TM4SF1: variants seen among roughly 807,000 people sequenced by gnomAD.
TM4SF1 encodes transmembrane 4 L6 family member 1.
TM4SF1 carries 20 observed loss-of-function variants against 24.5 expected under a neutral mutation model. That is an observed-to-expected ratio of 0.82 (90% CI 0.57 to 1.19). The LOEUF is 1.19. TM4SF1 is among the 50% of genes most tolerant of loss of function. TM4SF1 has a pLI of 0.00. For missense variants in TM4SF1, 258 were observed against 248.1 expected (o/e 1.04, Z -0.27); for synonymous variants, 107 against 95.4 (o/e 1.12, Z -0.71).
At chr3:149,375,813 C>T in intron 1 of TM4SF1, 44 bp from the exon 2 acceptor site, 2 of 1,581,532 alleles carry the variant, frequency 1.3e-6, no homozygotes, top group Non-Finnish European at 1.7e-6. Context: ...CTTGCTCAGG[C>T]TCATATGGGT....
chr3:149,372,185 A>T (rs1731840482), intron 3 of TM4SF1, among the ~76,000 whole-genome samples: 1 of 152,222 alleles, frequency 6.6e-6, no homozygotes, highest in South Asian at 2.1e-4. Context: ...AAAATGCAGA[A>T]CTGTATTTGT....
chr3:149,375,564 G>A lies in TM4SF1; in HGVS notation c.292C>T (p.Leu98Phe), dbSNP rs773561150. 4.6e-5 allele frequency: 75 copies of A among 1,614,082 alleles called. No individual in the cohort carries two copies. The highest frequency in any genetic ancestry group is 1.6e-4 in the Middle Eastern group (1 of 6,084). ...TAGCCAGATCCTGCAATTCCAATGA[G>A]AGCAGCCAATACAGAAGAAAGCATC... The part of the protein sequence containing the change: ...CAMLSSVLAA[L>F]IGIAGSGYCV... The change falls in exon 3 of 5, where the codon CTC (leucine) becomes TTC (phenylalanine). Residue 98 changes from leucine (L) to phenylalanine (F), a missense_variant. Leu to Phe is a conservative substitution (Grantham distance 22, BLOSUM62 0). Coordinates refer to ENST00000305366, the MANE Select transcript of TM4SF1 (RefSeq NM_014220.3).
At chr3:149,374,632 G>A (rs759673399) in intron 3 of TM4SF1, among the ~76,000 whole-genome samples, 13 of 152,284 alleles carry the variant, frequency 8.5e-5, no homozygotes, top group South Asian at 2.1e-4. Flanking sequence ...TATTATGATT[G>A]TGAATAGGCC....
intron 3 of TM4SF1, among the ~76,000 whole-genome samples, chr3:149,372,401 T>A (rs1268451408): frequency 1.3e-5 from 2 of 152,176 alleles, no homozygotes; most frequent in Non-Finnish European, 2.9e-5. Flanking sequence ...ACAATCTCTT[T>A]AGGCTAGTTT....
rs1204204789 is a variant in TM4SF1, at chr3:149,369,023, G to A, written c.*843C>T. 1 of 151,944 alleles carries A rather than the reference G, an allele frequency of 6.6e-6. No individual in the cohort carries two copies. The highest frequency in any genetic ancestry group is 1.5e-5 in the Non-Finnish European group (1 of 67,990). The allele number at this position is 151,944 out of a possible 1,614,324, so 9.4% of individuals were successfully genotyped here. Reference sequence around the variant, plus strand: ...TAATGAAACTAAACAACAACAACATGGTAGTGAATACTTTATTTTGTTGTA... The same window carrying A: ...TAATGAAACTAAACAACAACAACATAGTAGTGAATACTTTATTTTGTTGTA... On this transcript the variant is annotated 3_prime_UTR_variant, in exon 5 of 5. Coordinates refer to ENST00000305366, the MANE Select transcript of TM4SF1 (RefSeq NM_014220.3).
At position 149,370,146 on chromosome 3, in the gene TM4SF1, T is replaced by C. The variant is rs535191206; in HGVS notation, c.595-266A>G. On this transcript the variant is annotated intron_variant, in intron 4 of 4. Transcript: ENST00000305366. Reference sequence around the variant, plus strand: ...TATTGGGTTGCTTTGAGTGCATTTGTGTGGGGTTTTAATCTTAGGGATTTA... The same window carrying C: ...TATTGGGTTGCTTTGAGTGCATTTGCGTGGGGTTTTAATCTTAGGGATTTA... 35 of 348,704 alleles carry C rather than the reference T, an allele frequency of 1.0e-4. 1 individual carries two copies. The highest frequency in any genetic ancestry group is 8.0e-4 in the Middle Eastern group (1 of 1,254). 21.6% of individuals were successfully genotyped at this position (348,704 alleles called of 1,614,324 possible). A position where few individuals can be genotyped will look rare whatever the true frequency, so the allele number is the denominator to read the frequency against.
At position 149,369,233 on chromosome 3, in the gene TM4SF1, T is replaced by C. The variant is rs2108375619; in HGVS notation, c.*633A>G. 1 of 152,410 alleles carries C rather than the reference T, an allele frequency of 6.6e-6. No individual in the cohort carries two copies. The highest frequency in any genetic ancestry group is 2.1e-4 in the South Asian group (1 of 4,832). The allele number at this position is 152,410 out of a possible 1,614,324, so 9.4% of individuals were successfully genotyped here. Reference sequence around the variant, plus strand: ...TCTTTGGAGGACAAAAGGCTTTCCATATGTTAGAAAAATTTGAATCTCATA... The same window carrying C: ...TCTTTGGAGGACAAAAGGCTTTCCACATGTTAGAAAAATTTGAATCTCATA... On this transcript the variant is annotated 3_prime_UTR_variant, in exon 5 of 5. Coordinates refer to ENST00000305366, the MANE Select transcript of TM4SF1 (RefSeq NM_014220.3).
chr3:149,371,962 G>A, intron 3 of TM4SF1, 95 bp from the exon 4 acceptor site: 3 of 1,205,612 alleles, frequency 2.5e-6, no homozygotes, highest in African/African-American at 3.1e-5. Flanking sequence ...TCAGAAAAAA[G>A]GAATGAATTA....
At chr3:149,374,925 A>G (rs1045745633) in intron 3 of TM4SF1, among the ~76,000 whole-genome samples, 1 of 152,238 alleles carries the variant, frequency 6.6e-6, no homozygotes, top group Non-Finnish European at 1.5e-5. Context: ...CACAAACTCT[A>G]CATCTAGACT....
At position 149,375,436 on chromosome 3, in the gene TM4SF1, TA is replaced by T; in HGVS notation, c.413+6del. On this transcript the variant is annotated splice_donor_region_variant and intron_variant, in intron 3 of 4. Transcript: ENST00000305366. ...AATGTGTAGCCATGTAGAGAGTAAT[TA>T]CATACTGGCCCTCAGTGCTGGCAAA... 1.2e-6 allele frequency: 2 copies of T among 1,614,044 alleles called. No individual in the cohort carries two copies. The highest frequency in any genetic ancestry group is 1.7e-6 in the Non-Finnish European group (2 of 1,179,980).
chr3:149,376,471 C>T (rs1029131351), intron 1 of TM4SF1, among the ~76,000 whole-genome samples: 4 of 152,026 alleles, frequency 2.6e-5, no homozygotes, highest in African/African-American at 9.7e-5. Context: ...GAGTTCAAGA[C>T]CAGCCTGGGC....
At chr3:149,377,201 G>A (rs985102947) in intron 1 of TM4SF1, among the ~76,000 whole-genome samples, 170 bp downstream of exon 1, 1 of 152,128 alleles carries the variant, frequency 6.6e-6, no homozygotes, top group African/African-American at 2.4e-5. Flanking sequence ...AAATTACTAC[G>A]CTATACTGTA....
intron 1 of TM4SF1, 70 bp from the exon 2 acceptor site, chr3:149,375,839 T>G: frequency 2.3e-5 from 32 of 1,375,930 alleles, no homozygotes; most frequent in Middle Eastern, 2.0e-4. Flanking sequence ...TAGGCATCTC[T>G]TGGTAAAATA....
chr3:149,376,096 C>T (rs1342991516), intron 1 of TM4SF1, among the ~76,000 whole-genome samples: 2 of 152,142 alleles, frequency 1.3e-5, no homozygotes, highest in Non-Finnish European at 2.9e-5. Context: ...AAATATTAAA[C>T]CCTTTCTTTA....
rs1475379398 is a variant in TM4SF1 at position 149,374,030 on chromosome 3, G to A, written c.413+1413C>T. 2.0e-5 allele frequency among the ~76,000 whole-genome samples: 3 copies of A among 152,124 alleles called. No individual in the cohort carries two copies. In the East Asian group the frequency reaches 5.8e-4, roughly 29 times the overall value. The stretch of plus-strand genomic sequence containing the variant: ...TTGAACACCAAAATTTCAAACTTCT[G>A]TAAGTATCAATTTTCCTTCAAAGGC... On this transcript the variant is annotated intron_variant, in intron 3 of 4. Transcript: ENST00000305366.
chr3:149,370,230 A>G, intron 4 of TM4SF1: 1 of 197,452 alleles, frequency 5.1e-6, no homozygotes, highest in Non-Finnish European at 1.0e-5. Flanking sequence ...AACCTTTCAA[A>G]TTAAATGCTA....
intron 3 of TM4SF1, among the ~76,000 whole-genome samples, chr3:149,373,879 G>A (rs1318963306): frequency 6.6e-6 from 1 of 152,160 alleles, no homozygotes; most frequent in Non-Finnish European, 1.5e-5. Flanking sequence ...GGTTGCATAA[G>A]TCATGACTTT....
At chr3:149,374,690 T>A (rs1444806200) in intron 3 of TM4SF1, among the ~76,000 whole-genome samples, 1 of 152,222 alleles carries the variant, frequency 6.6e-6, no homozygotes, top group East Asian at 1.9e-4. Context: ...GTACATAGTT[T>A]GTATGTTTTA....
rs1217723823 is a variant in TM4SF1 at position 149,369,062 on chromosome 3, T to C, written c.*804A>G. On this transcript the variant is annotated 3_prime_UTR_variant, in exon 5 of 5. Transcript: ENST00000305366. ...TATTTTGTTGTAAACAAGTTAGTTTTGAGGGTATTTCCTCGTGGTCCTCCT... is the reference window on the plus strand; with the variant it reads ...TATTTTGTTGTAAACAAGTTAGTTTCGAGGGTATTTCCTCGTGGTCCTCCT... The C allele has an allele frequency of 1.3e-5, 2 of 152,186 alleles. No homozygotes were observed. The highest frequency in any genetic ancestry group is 4.8e-5 in the African/African-American group (2 of 41,454). The allele number at this position is 152,186 out of a possible 1,614,324, so 9.4% of individuals were successfully genotyped here.
Sources: allele counts gnomAD v4.1 joint callset (sites outside exome capture counted in the v4.1 genomes callset), GRCh38; gene constraint gnomAD v4.1.1; transcripts MANE v1.5; gene names NCBI Gene and HGNC (gene_info 2026-07-23, HGNC 2026-07-21).